PDE12: variants seen among roughly 807,000 people sequenced by gnomAD.
The protein encoded by PDE12 is 2',5'-phosphodiesterase 12.
A neutral mutation model predicts 45.4 loss-of-function variants in PDE12; 26 were observed. That is an observed-to-expected ratio of 0.57 (90% CI 0.42 to 0.79). The LOEUF (loss-of-function observed/expected upper bound fraction) is 0.79. Among genes scored for constraint, PDE12 ranks in the 30% least tolerant of loss-of-function variants. The pLI, the probability that PDE12 is intolerant of heterozygous loss-of-function variation, is 0.00. For synonymous variants in PDE12, 283 were observed against 323.9 expected (o/e 0.87, Z 1.36); for missense variants, 668 against 790.0 (o/e 0.85, Z 1.85).
the PDE12 span, among the ~76,000 whole-genome samples, chr3:57,616,364 A>T: frequency 1.3e-5 from 2 of 148,952 alleles, no homozygotes; most frequent in Non-Finnish European, 3.0e-5. Context: ...GAGGAGGAGG[A>T]GGAGGAGGCA....
At position 57,557,223 on chromosome 3, in the gene PDE12, C is replaced by A; in HGVS notation, c.844C>A (p.Arg282=). Residue 282 remains arginine, a synonymous_variant, in exon 1 of 3, where the codon CGG becomes AGG. Coordinates refer to ENST00000311180, the MANE Select transcript of PDE12 (RefSeq NM_177966.7). ...GCCTGGCACCTGCACTTTTGACCAC[C>A]GGCATCTCTACACGAAGAAGGTGAC... The part of the protein sequence containing the change: ...AGPGTCTFDH[R]HLYTKKVTED... 6.2e-7 allele frequency: 1 copy of A among 1,608,042 alleles called. No homozygotes were observed. Among genetic ancestry groups the A allele is most frequent in the Non-Finnish European group, 8.5e-7 (1 of 1,177,734 alleles).
At chr3:57,603,519 G>T in the PDE12 span, among the ~76,000 whole-genome samples, 3 of 151,446 alleles carry the variant, frequency 2.0e-5, no homozygotes, top group African/African-American at 7.3e-5. Context: ...TGTATTTTTA[G>T]TAGAGACAGG....
chr3:57,572,670 C>T, the PDE12 span, among the ~76,000 whole-genome samples: 10 of 152,176 alleles, frequency 6.6e-5, no homozygotes, highest in Middle Eastern at 6.8e-3. Flanking sequence ...AGTGAGACTC[C>T]GTCTCAATCA....
At chr3:57,630,416 C>T in the PDE12 span, 8 of 1,577,588 alleles carry the variant, frequency 5.1e-6, no homozygotes, top group South Asian at 3.6e-5. Flanking sequence ...ACACAGTTTT[C>T]GAACCTCTTC....
At chr3:57,656,339 G>A in the PDE12 span, among the ~76,000 whole-genome samples, 2 of 152,088 alleles carry the variant, frequency 1.3e-5, no homozygotes, top group Non-Finnish European at 1.5e-5. Context: ...TCACATTGTT[G>A]CATGTATCAA....
the PDE12 span, chr3:57,628,303 T>C: frequency 6.2e-7 from 1 of 1,614,204 alleles, no homozygotes; most frequent in African/African-American, 1.3e-5. Context: ...AACTTTTCCA[T>C]AGTGTCAGGT....
chr3:57,601,561 C>G, the PDE12 span, among the ~76,000 whole-genome samples: 47 of 152,206 alleles, frequency 3.1e-4, no homozygotes, highest in African/African-American at 1.1e-3. Context: ...GATGTGGAAC[C>G]TGCAGATGCA....
the PDE12 span, among the ~76,000 whole-genome samples, chr3:57,603,836 G>A: frequency 4.6e-5 from 7 of 151,980 alleles, no homozygotes; most frequent in South Asian, 1.3e-3. Context: ...TGGTCAGGCT[G>A]GTCTCAAACT....
chr3:57,628,829 C>G, the PDE12 span: 1 of 1,612,066 alleles, frequency 6.2e-7, no homozygotes, highest in Non-Finnish European at 8.5e-7. Flanking sequence ...TTTTCAGCTT[C>G]AAGACAAGGT....
the PDE12 span, chr3:57,597,483 GT>G: frequency 1.0e-5 from 2 of 200,794 alleles, no homozygotes; most frequent in Non-Finnish European, 2.1e-5. Context: ...TGCGCTTCCG[GT>G]GCGCCCGAGC....
At chr3:57,567,229 T>C (rs1416960300), downstream of PDE12, among the ~76,000 whole-genome samples, 1 of 151,964 alleles carries the variant, frequency 6.6e-6, no homozygotes, top group Non-Finnish European at 1.5e-5. Context: ...GGAGAATCGC[T>C]TGAACCCAGG....
At chr3:57,604,601 C>CTT in the PDE12 span, among the ~76,000 whole-genome samples, 1 of 44,514 alleles carries the variant, frequency 2.2e-5, no homozygotes, top group Non-Finnish European at 4.0e-5. Flanking sequence ...CTTTTTCTTT[C>CTT]TTTTTTTTTT....
the PDE12 span, among the ~76,000 whole-genome samples, chr3:57,599,411 C>G: frequency 6.6e-6 from 1 of 152,204 alleles, no homozygotes; most frequent in East Asian, 1.9e-4. Flanking sequence ...TCCTTTCACA[C>G]TTTAGGCCTT....
the PDE12 span, chr3:57,572,413 C>A: frequency 1.3e-6 from 1 of 741,522 alleles, no homozygotes; most frequent in Admixed American, 2.6e-5. Context: ...TCTCACAAAA[C>A]TCTCCCATAT....
chr3:57,653,872 G>A, the PDE12 span, among the ~76,000 whole-genome samples: 11 of 147,048 alleles, frequency 7.5e-5, no homozygotes, highest in African/African-American at 1.5e-4. Context: ...CCATTCTGGC[G>A]TATCATGCCT....
At chr3:57,570,846 C>G (rs371551709), downstream of PDE12, among the ~76,000 whole-genome samples, 254 of 152,240 alleles carry the variant, frequency 1.7e-3, no homozygotes, top group African/African-American at 5.7e-3. Context: ...CAAGTAGCAC[C>G]TGAATTTTTT....
At chr3:57,580,316 G>A in the PDE12 span, among the ~76,000 whole-genome samples, 1 of 152,016 alleles carries the variant, frequency 6.6e-6, no homozygotes, top group Admixed American at 6.6e-5. Flanking sequence ...GGCTTATCAT[G>A]GGCATTTATT....
the PDE12 span, among the ~76,000 whole-genome samples, chr3:57,603,773 C>T: frequency 6.6e-6 from 1 of 152,074 alleles, no homozygotes; most frequent in African/African-American, 2.4e-5. Context: ...CAGGCATGCA[C>T]CACCCTACCC....
Position 57,561,087 on chromosome 3 carries a change from AT to A in PDE12, c.*1086del. On this transcript the variant is annotated 3_prime_UTR_variant, in exon 3 of 3. Transcript: ENST00000311180. ...TTTTAATTTTTAGGATGCAAGCACA[AT>A]TTAGTATTCAAAGTGAGTAGCAACA... The A allele has an allele frequency of 1.0e-6, 1 of 982,812 alleles. No homozygotes were observed. The highest frequency in any genetic ancestry group is 1.2e-6 in the Non-Finnish European group (1 of 827,170). 60.9% of individuals were successfully genotyped at this position (982,812 alleles called of 1,614,324 possible). A position where few individuals can be genotyped will look rare whatever the true frequency, so the allele number is the denominator to read the frequency against.
Sources: gnomAD v4.1 joint callset for allele counts (sites outside exome capture counted in the v4.1 genomes callset) on GRCh38, gnomAD v4.1.1 for gene constraint, MANE v1.5 for transcripts, NCBI Gene and HGNC (gene_info 2026-07-23, HGNC 2026-07-21) for gene names.